The following MLLT3 variants were observed in gnomAD, a reference collection of about 807,000 sequenced individuals.
The protein encoded by MLLT3 is MLLT3 super elongation complex subunit.
A neutral mutation model predicts 53.2 loss-of-function variants in MLLT3; 4 were observed. The observed-to-expected ratio is 0.08, with a 90% CI of 0.04 to 0.17. The LOEUF (loss-of-function observed/expected upper bound fraction) is 0.17. Ranked by LOEUF, MLLT3 falls within the 10% of genes least tolerant of loss-of-function variation. MLLT3 has a pLI of 1.00. For synonymous variants in MLLT3, 283 were observed against 230.6 expected (o/e 1.23, Z -2.06); for missense variants, 569 against 684.0 (o/e 0.83, Z 1.87).
chr9:20,525,857 CT>C (rs1020127949), intron 2 of MLLT3, among the ~76,000 whole-genome samples: 4 of 152,162 alleles, frequency 2.6e-5, no homozygotes, highest in African/African-American at 9.7e-5. Flanking sequence ...GCCTGACCCT[CT>C]AAATTTACAT....
At chr9:20,455,529 T>G in intron 3 of MLLT3, among the ~76,000 whole-genome samples, 1 of 152,208 alleles carries the variant, frequency 6.6e-6, no homozygotes, top group Non-Finnish European at 1.5e-5. Flanking sequence ...TTTGAGAATC[T>G]CATTTCTAAC....
chr9:20,542,891 C>T (rs1336398229), intron 2 of MLLT3, among the ~76,000 whole-genome samples: 1 of 152,230 alleles, frequency 6.6e-6, no homozygotes, highest in African/African-American at 2.4e-5. Context: ...TTAGCTAGAG[C>T]TTCTGGATAA....
chr9:20,496,841 G>C (rs1222030217), intron 2 of MLLT3, among the ~76,000 whole-genome samples: 1 of 151,936 alleles, frequency 6.6e-6, no homozygotes, highest in East Asian at 1.9e-4. Flanking sequence ...CAGTGCTTTA[G>C]GCCCAACATA....
chr9:20,378,895 G>C (rs533140417), intron 5 of MLLT3, among the ~76,000 whole-genome samples: 2 of 152,020 alleles, frequency 1.3e-5, no homozygotes, highest in Non-Finnish European at 2.9e-5. Context: ...CTTTAAAAAT[G>C]TGGTATTCAG....
Position 20,620,951 on chromosome 9 carries a change from G to A in MLLT3, c.13-117C>T. ...TGAAACGCACATAAAAGGAAACGGC[G>A]GTGCCCTCTGCATCCACGTTTCACG... On this transcript the variant is annotated intron_variant, in intron 1 of 10. Transcript: ENST00000380338. This position sits in a 1 kb window ranked among gnomAD's most constrained non-coding sequence, Gnocchi z 6.1. 8.6e-7 allele frequency: 1 copy of A among 1,160,610 alleles called. No homozygotes were observed. Among genetic ancestry groups the A allele is most frequent in the South Asian group, 1.3e-5 (1 of 78,392 alleles). The allele number at this position is 1,160,610 out of a possible 1,614,324, so 71.9% of individuals were successfully genotyped here.
chr9:20,361,719 AG>A (rs1468495763), intron 7 of MLLT3, among the ~76,000 whole-genome samples: 2 of 152,190 alleles, frequency 1.3e-5, no homozygotes, highest in Non-Finnish European at 2.9e-5. Flanking sequence ...TATCCACAAT[AG>A]GAGAGATTTA....
intron 2 of MLLT3, among the ~76,000 whole-genome samples, chr9:20,510,861 A>C (rs901706761): frequency 1.3e-5 from 2 of 152,210 alleles, no homozygotes; most frequent in Non-Finnish European, 2.9e-5. Flanking sequence ...CAGCATTTAA[A>C]GATATGTACT....
intron 2 of MLLT3, among the ~76,000 whole-genome samples, chr9:20,474,304 C>T (rs1249898721): frequency 6.6e-6 from 1 of 152,046 alleles, no homozygotes; most frequent in African/African-American, 2.4e-5. Context: ...GAGTTTATAT[C>T]TGTTATGATC....
intron 2 of MLLT3, among the ~76,000 whole-genome samples, chr9:20,610,838 C>A (rs577691774): frequency 4.6e-5 from 7 of 152,198 alleles, no homozygotes; most frequent in Admixed American, 4.6e-4. Context: ...TATTTCTGTG[C>A]ATACAGAGAA....
At chr9:20,445,077 T>C (rs971630403) in intron 4 of MLLT3, among the ~76,000 whole-genome samples, 1 of 151,234 alleles carries the variant, frequency 6.6e-6, no homozygotes. Flanking sequence ...GGCAACAGAG[T>C]GAGACTCCAT....
chr9:20,483,001 T>C (rs1824703371), intron 2 of MLLT3, among the ~76,000 whole-genome samples: 1 of 152,098 alleles, frequency 6.6e-6, no homozygotes, highest in Non-Finnish European at 1.5e-5. Context: ...TGTACAGTAC[T>C]ACTTACATGC....
chr9:20,544,737 T>A (rs1187134113), intron 2 of MLLT3, among the ~76,000 whole-genome samples: 1 of 152,220 alleles, frequency 6.6e-6, no homozygotes, highest in African/African-American at 2.4e-5. Context: ...TCTGGGTATA[T>A]ATCCATAGGA....
At chr9:20,455,773 T>C (rs1251372773) in intron 3 of MLLT3, among the ~76,000 whole-genome samples, 1 of 152,192 alleles carries the variant, frequency 6.6e-6, no homozygotes, top group Non-Finnish European at 1.5e-5. Flanking sequence ...GTACTTTGCA[T>C]AAGTTTATTT....
chr9:20,466,442 G>A (rs1379266282), intron 2 of MLLT3, among the ~76,000 whole-genome samples: 1 of 152,150 alleles, frequency 6.6e-6, no homozygotes, highest in African/African-American at 2.4e-5. Context: ...TGAAGTTTTA[G>A]CTATATCATT....
chr9:20,522,179 A>G (rs1216782419), intron 2 of MLLT3, among the ~76,000 whole-genome samples: 2 of 151,968 alleles, frequency 1.3e-5, no homozygotes, highest in African/African-American at 4.8e-5. Context: ...TCATGTTTTT[A>G]AAGTACTACT....
intron 2 of MLLT3, among the ~76,000 whole-genome samples, chr9:20,530,184 C>A (rs1200627975): frequency 6.6e-6 from 1 of 152,094 alleles, no homozygotes; most frequent in Admixed American, 6.6e-5. Flanking sequence ...GCAAAGGTGG[C>A]AAAAACAGTA....
intron 2 of MLLT3, among the ~76,000 whole-genome samples, chr9:20,485,558 G>T (rs758914336): frequency 3.9e-5 from 6 of 152,084 alleles, no homozygotes; most frequent in Non-Finnish European, 7.4e-5. Context: ...TTTCTCACAC[G>T]TTCCAAACAT....
chr9:20,383,856 T>G (rs1370578797), intron 5 of MLLT3, among the ~76,000 whole-genome samples: 1 of 151,930 alleles, frequency 6.6e-6, no homozygotes, highest in Non-Finnish European at 1.5e-5. Flanking sequence ...ATATAAGACA[T>G]TCTAGCAAGG....
At chr9:20,523,000 CA>C (rs1269585989) in intron 2 of MLLT3, among the ~76,000 whole-genome samples, 4 of 151,750 alleles carry the variant, frequency 2.6e-5, no homozygotes, top group Admixed American at 2.0e-4. Flanking sequence ...AAAATAACAA[CA>C]AAATATATAA....
Sources: allele counts gnomAD v4.1 joint callset (sites outside exome capture counted in the v4.1 genomes callset), GRCh38; gene constraint gnomAD v4.1.1; non-coding constraint Gnocchi (gnomAD v3.1); transcripts MANE v1.5; gene names NCBI Gene and HGNC (gene_info 2026-07-23, HGNC 2026-07-21).